The following CACNG8 variants were observed in gnomAD, a reference collection of about 807,000 sequenced individuals.
The protein encoded by CACNG8 is voltage-dependent calcium channel gamma-8 subunit.
A neutral mutation model predicts 26.9 loss-of-function variants in CACNG8; 5 were observed. The observed-to-expected ratio is 0.19, with a 90% CI of 0.10 to 0.39. The LOEUF (loss-of-function observed/expected upper bound fraction) is 0.39. Among genes scored for constraint, CACNG8 ranks in the 10% least tolerant of loss-of-function variants. CACNG8 has a pLI of 1.00. For synonymous variants in CACNG8, 321 were observed against 296.7 expected (o/e 1.08, Z -0.84); for missense variants, 473 against 609.4 (o/e 0.78, Z 2.36).
Position 53,982,999 on chromosome 19 carries a change from C to G in CACNG8, c.*150C>G. On this transcript the variant is annotated 3_prime_UTR_variant, in exon 4 of 4. Transcript: ENST00000270458. This position sits in a 1 kb window ranked among gnomAD's most constrained non-coding sequence, Gnocchi z 8.4. ...CCCCACGCCCACCCTCCCCGCCCCC[C>G]TCCCCCTCCGAAGCAGGGACCCCGA... is the stretch of plus-strand genomic sequence containing the variant. The G allele has an allele frequency of 2.6e-6, 1 of 389,918 alleles. No homozygotes were observed. Among genetic ancestry groups the G allele is most frequent in the Non-Finnish European group, 4.1e-6 (1 of 246,718 alleles). 24.2% of individuals were successfully genotyped at this position (389,918 alleles called of 1,614,324 possible). A position where few individuals can be genotyped will look rare whatever the true frequency, so the allele number is the denominator to read the frequency against.
chr19:53,981,460 C>T (rs1339770429), intron 3 of CACNG8, among the ~76,000 whole-genome samples: 2 of 151,676 alleles, frequency 1.3e-5, no homozygotes, highest in African/African-American at 4.8e-5. Flanking sequence ...GAGTTGGGAC[C>T]TTAGCTAGAG....
In CACNG8 at chr19:53,989,122, T is replaced by C. The variant is rs1273709542; in HGVS notation, c.*6273T>C. 1 of 152,140 alleles carries C rather than the reference T, an allele frequency of 6.6e-6. No individual in the cohort carries two copies. The highest frequency in any genetic ancestry group is 1.9e-4 in the East Asian group (1 of 5,188). 9.4% of individuals were successfully genotyped at this position (152,140 alleles called of 1,614,324 possible). On this transcript the variant is annotated 3_prime_UTR_variant, in exon 4 of 4. Transcript: ENST00000270458. ...GTCTCTACAAAAATGAAAAATGAGCTGTGGCGTGGTGGCTCACGCCTGTAG... is the reference window on the plus strand; with the variant it reads ...GTCTCTACAAAAATGAAAAATGAGCCGTGGCGTGGTGGCTCACGCCTGTAG...
chr19:53,967,463 G>A lies in CACNG8; in HGVS notation c.283+4038G>A, dbSNP rs140432459. ...GGCTTTGTGGAGCAGTCTCTATCAC[G>A]ACTACTCGTGAAAACGACCAAGACA... On this transcript the variant is annotated intron_variant, in intron 1 of 3. Transcript: ENST00000270458. 5.3e-3 allele frequency among the ~76,000 whole-genome samples: 811 copies of A among 152,266 alleles called. 6 individuals are homozygous for A. The highest frequency in any genetic ancestry group is 7.7e-3 in the Non-Finnish European group (525 of 68,018).
At position 53,982,844 on chromosome 19, in the gene CACNG8, G is replaced by T; in HGVS notation, c.1273G>T (p.Val425Leu). The T allele has an allele frequency of 7.5e-7, 1 of 1,327,794 alleles. No homozygotes were observed. 82.3% of individuals were successfully genotyped at this position (1,327,794 alleles called of 1,614,324 possible). ...CACGCTCAACAGGAAAACCACGCCT[G>T]TGTAGGGGCGCGGCGGGGGAGCCGA... is the stretch of plus-strand genomic sequence containing the variant. The change falls in exon 4 of 4, where the codon GTG becomes TTG. Residue 425 changes from valine (V) to leucine (L), a missense_variant. Physicochemically the swap from Val to Leu is conservative, Grantham distance 32. Around this residue, in one of 6 missense-constraint regions of CACNG8, gnomAD observed 212 missense variants for 214.4 expected, o/e 0.99. Transcript: ENST00000270458. The surrounding 1 kb of genome is among the most constrained non-coding windows in gnomAD (Gnocchi z 8.4).
Position 53,989,651 on chromosome 19 carries a change from G to A in CACNG8, c.*6802G>A, listed in dbSNP as rs4806479. ...GGGCTGTGTTCTGACGGGGCCACGC[G>A]GGCATTGAGGAAACGCAGCAGGCCC... On this transcript the variant is annotated 3_prime_UTR_variant, in exon 4 of 4. Coordinates refer to ENST00000270458, the MANE Select transcript of CACNG8 (RefSeq NM_031895.6). 0.33 allele frequency: 49,808 copies of A among 152,146 alleles called. 8,986 individuals carry two copies. Among genetic ancestry groups the A allele is most frequent in the Middle Eastern group, 0.48 (142 of 294 alleles). The allele number at this position is 152,146 out of a possible 1,614,324, so 9.4% of individuals were successfully genotyped here. A position where few individuals can be genotyped will look rare whatever the true frequency, so the allele number is the denominator to read the frequency against.
intron 1 of CACNG8, among the ~76,000 whole-genome samples, chr19:53,968,900 G>A (rs1056778039): frequency 2.0e-5 from 3 of 152,056 alleles, no homozygotes; most frequent in Non-Finnish European, 4.4e-5. Context: ...AGCGTTTCAA[G>A]GAGAGGAGGA....
intron 3 of CACNG8, among the ~76,000 whole-genome samples, chr19:53,980,441 T>G (rs936832298): frequency 3.3e-5 from 5 of 151,718 alleles, no homozygotes; most frequent in African/African-American, 1.2e-4. Context: ...TGAGCGCCGA[T>G]GAGGAGCCTG....
rs1274049948 is a variant in CACNG8, at chr19:53,979,871, T to A, written c.372T>A (p.Val124=). 1 of 1,600,572 alleles carries A rather than the reference T, an allele frequency of 6.2e-7. No homozygotes were observed. Among genetic ancestry groups the A allele is most frequent in the South Asian group, 1.1e-5 (1 of 89,872 alleles). Residue 124 remains valine (V), a synonymous_variant, in exon 3 of 4, where the codon GTT becomes GTA. Coordinates refer to ENST00000270458, the MANE Select transcript of CACNG8 (RefSeq NM_031895.6). ...CCTTTCCTTCCTCCCCCGCAGGAGTTGTCCGGGCCTCCAGCATCTTCCCCA... is the reference window on the plus strand; with the variant it reads ...CCTTTCCTTCCTCCCCCGCAGGAGTAGTCCGGGCCTCCAGCATCTTCCCCA...
chr19:53,964,107 C>G (rs1272994554), intron 1 of CACNG8, among the ~76,000 whole-genome samples: 1 of 152,066 alleles, frequency 6.6e-6, no homozygotes, highest in Non-Finnish European at 1.5e-5. Flanking sequence ...CAGCCTCTTT[C>G]TCCCTCTTTC....
chr19:53,982,752 C>T lies in CACNG8; in HGVS notation c.1181C>T (p.Ala394Val). The change falls in exon 4 of 4, where the codon GCG becomes GTG. Residue 394 changes from alanine to valine, a missense_variant. By Grantham distance (64) the Ala-to-Val change is moderately conservative (BLOSUM62 0). Coordinates refer to ENST00000270458, the MANE Select transcript of CACNG8 (RefSeq NM_031895.6). The surrounding 1 kb of genome is among the most constrained non-coding windows in gnomAD (Gnocchi z 8.4). ...GGGCCGCCCGCCCCGCCCGCGCCCG[C>T]GCCACCCGCGCCCTCTGCGCCCGCC... is the stretch of plus-strand genomic sequence containing the variant. The T allele has an allele frequency of 9.1e-6, 11 of 1,209,954 alleles. No homozygotes were observed. The highest frequency in any genetic ancestry group is 1.1e-5 in the Non-Finnish European group (11 of 978,880). 75.0% of individuals were successfully genotyped at this position (1,209,954 alleles called of 1,614,324 possible).
chr19:53,974,942 T>G (rs1283724298), intron 1 of CACNG8, among the ~76,000 whole-genome samples: 3 of 150,222 alleles, frequency 2.0e-5, no homozygotes, highest in Non-Finnish European at 3.0e-5. Flanking sequence ...ACCCAGCCTA[T>G]TTTATTTTAT....
Position 53,979,940 on chromosome 19 carries a change from G to C in CACNG8, c.441G>C (p.Ala147=). 1 of 1,613,000 alleles carries C rather than the reference G, an allele frequency of 6.2e-7. No homozygotes were observed. The highest frequency in any genetic ancestry group is 8.5e-7 in the Non-Finnish European group (1 of 1,179,514). Residue 147 remains alanine (A), a synonymous_variant, in exon 3 of 4, where the codon GCG becomes GCC. Coordinates refer to ENST00000270458, the MANE Select transcript of CACNG8 (RefSeq NM_031895.6). Reference sequence around the variant, plus strand: ...TGCTGCTCGGGGGTGTGTGCGTGGCGGCCTCCCGCGTCTACAAGTCCAAGA... The same window carrying C: ...TGCTGCTCGGGGGTGTGTGCGTGGCCGCCTCCCGCGTCTACAAGTCCAAGA...
intron 3 of CACNG8, 105 bp from the exon 4 acceptor site, chr19:53,981,975 G>C: frequency 1.6e-6 from 2 of 1,273,506 alleles, no homozygotes; most frequent in Non-Finnish European, 2.0e-6. Flanking sequence ...GACCGCCTGG[G>C]GGTGGCGCCT....
intron 1 of CACNG8, among the ~76,000 whole-genome samples, chr19:53,974,219 G>C (rs1398568931): frequency 6.6e-6 from 1 of 152,064 alleles, no homozygotes; most frequent in Non-Finnish European, 1.5e-5. Context: ...TTGTCTTTTT[G>C]TTACTGGCTT....
chr19:53,981,005 A>G (rs1376791589), intron 3 of CACNG8, among the ~76,000 whole-genome samples: 1 of 152,020 alleles, frequency 6.6e-6, no homozygotes, highest in East Asian at 1.9e-4. Flanking sequence ...CAAGGACCCG[A>G]GACCGGCAAG....
intron 1 of CACNG8, among the ~76,000 whole-genome samples, chr19:53,977,444 A>C (rs1235860598): frequency 6.6e-6 from 1 of 152,206 alleles, no homozygotes; most frequent in African/African-American, 2.4e-5. Context: ...GCTGAGGATG[A>C]GCATCTTAGG....
intron 1 of CACNG8, among the ~76,000 whole-genome samples, chr19:53,964,033 C>G (rs2069258578): frequency 6.6e-6 from 1 of 152,002 alleles, no homozygotes; most frequent in African/African-American, 2.4e-5. Flanking sequence ...CTCCTGAGCT[C>G]AAGAGATCCT....
In CACNG8 at chr19:53,978,052, G is replaced by A. The variant is rs914560995; in HGVS notation, c.284-94G>A. On this transcript the variant is annotated intron_variant, in intron 1 of 3. Transcript: ENST00000270458. ...TCCCAAGCAGCCCAGAGAGAGAAGG[G>A]GTTTGGGGAAGGGAAGGGTCGGTTG... 37 of 813,738 alleles carry A rather than the reference G, an allele frequency of 4.5e-5. No homozygotes were observed. In the Middle Eastern group the frequency reaches 7.6e-4, roughly 17 times the overall value. The allele number at this position is 813,738 out of a possible 1,614,324, so 50.4% of individuals were successfully genotyped here. A position where few individuals can be genotyped will look rare whatever the true frequency, so the allele number is the denominator to read the frequency against.
intron 1 of CACNG8, among the ~76,000 whole-genome samples, chr19:53,971,469 AC>A (rs929819066): frequency 2.0e-5 from 3 of 152,146 alleles, no homozygotes; most frequent in Admixed American, 6.6e-5. Context: ...TGAGTCTGAA[AC>A]CCAGTAAATA....
Sources: allele counts gnomAD v4.1 joint callset (sites outside exome capture counted in the v4.1 genomes callset), GRCh38; gene constraint gnomAD v4.1.1; regional missense constraint gnomAD v4.1.1; non-coding constraint Gnocchi (gnomAD v3.1); transcripts MANE v1.5; gene names NCBI Gene and HGNC (gene_info 2026-07-23, HGNC 2026-07-21).